COG3: variants seen among roughly 807,000 people sequenced by gnomAD.
COG3 encodes the protein component of oligomeric golgi complex 3, also known as conserved oligomeric Golgi complex subunit 3.
Under a neutral mutation model 114.1 loss-of-function variants are expected in COG3, and 32 were observed. The observed-to-expected ratio is 0.28, with a 90% confidence interval of 0.21 to 0.38. The LOEUF (loss-of-function observed/expected upper bound fraction) is 0.38, where lower values mean the gene tolerates loss of function less well. Among genes scored for constraint, COG3 ranks in the 10% least tolerant of loss-of-function variants. COG3 has a pLI of 1.00. For missense variants in COG3, 813 were observed against 973.2 expected, an observed-to-expected ratio of 0.84 and a Z score of 2.19; for synonymous variants, 352 against 365.7, an observed-to-expected ratio of 0.96 and a Z score of 0.43.
chr13:45,482,779 G>C (rs1421323160), intron 6 of COG3, among the ~76,000 whole-genome samples: 1 of 152,170 alleles, frequency 6.6e-6, no homozygotes, highest in African/African-American at 2.4e-5. Context: ...AGGATGAGCC[G>C]TTTTTAAATT....
intron 4 of COG3, 145 bp downstream of exon 4, chr13:45,480,435 C>G (rs867652473): frequency 2.4e-5 from 14 of 571,476 alleles, no homozygotes; most frequent in Non-Finnish European, 3.9e-5. Flanking sequence ...CAGATTGTTA[C>G]ACTGACAGCC....
intron 21 of COG3, 150 bp from the exon 22 acceptor site, chr13:45,530,532 A>G (rs1296142930): frequency 1.7e-6 from 1 of 577,416 alleles, no homozygotes; most frequent in Non-Finnish European, 3.2e-6. Context: ...CCAGCACTGA[A>G]ATATTAAGAG....
At chr13:45,490,327 C>T (rs766890901) in intron 8 of COG3, among the ~76,000 whole-genome samples, 13 of 152,150 alleles carry the variant, frequency 8.5e-5, no homozygotes, top group Non-Finnish European at 1.9e-4. Context: ...TGTTATTACA[C>T]CAGTTTTATA....
chr13:45,520,710 T>TTC (rs1555299532), intron 19 of COG3, among the ~76,000 whole-genome samples: 1 of 151,994 alleles, frequency 6.6e-6, no homozygotes, highest in African/African-American at 2.4e-5. Context: ...TGCATTTTTT[T>TTC]CCCACCACAA....
rs141222488 is a variant in COG3, at chr13:45,465,155, C to G, written c.119C>G (p.Thr40Arg). 223 of 1,613,578 alleles carry G rather than the reference C, an allele frequency of 1.4e-4. No individual in the cohort carries two copies. The highest frequency in any genetic ancestry group is 1.0e-3 in the Middle Eastern group (6 of 6,030). Reference protein sequence around the residue: ...DTTAPLTDRQTDSVLELKAAA... With the variant: ...DTTAPLTDRQRDSVLELKAAA... ...ACGGCGCCGCTGACCGACAGGCAGA[C>G]GGACTCGGTATTGGAGCTGAAGGCG... is the stretch of plus-strand genomic sequence containing the variant. Residue 40 changes from threonine to arginine, a missense_variant, in exon 1 of 23, where the codon ACG becomes AGG. Thr to Arg is a moderately conservative substitution (Grantham distance 71). Around this residue, in one of 2 missense-constraint regions of COG3, gnomAD observed 424 missense variants for 430.6 expected, o/e 0.98. Transcript: ENST00000349995.
intron 14 of COG3, among the ~76,000 whole-genome samples, chr13:45,507,644 A>C (rs8002141): frequency 0.088 from 13,418 of 151,822 alleles, 1,656 homozygotes; most frequent in African/African-American, 0.27. Flanking sequence ...ACATGCCTGT[A>C]ATCCCAGCTA....
In COG3 at chr13:45,503,332, A is replaced by C. The variant is rs201937537; in HGVS notation, c.1577A>C (p.Asn526Thr). ...SDVHLEEGES[N>T]SLTKSGSTES... Reference sequence around the variant, plus strand: ...GTTCACTTAGAAGAAGGAGAGTCTAACAGTCTGACAAAATCTGGTATGTTA... The same window carrying C: ...GTTCACTTAGAAGAAGGAGAGTCTACCAGTCTGACAAAATCTGGTATGTTA... Residue 526 changes from asparagine to threonine, a missense_variant, in exon 14 of 23, where the codon AAC becomes ACC. Physicochemically the swap from Asn to Thr is moderately conservative, Grantham distance 65. Transcript: ENST00000349995. The C allele has an allele frequency of 4.4e-6, 7 of 1,579,818 alleles. No homozygotes were observed. Among genetic ancestry groups the C allele is most frequent in the African/African-American group, 1.3e-5 (1 of 74,332 alleles).
intron 7 of COG3, among the ~76,000 whole-genome samples, chr13:45,485,223 C>T (rs1886529822): frequency 3.8e-5 from 3 of 78,894 alleles, no homozygotes; most frequent in African/African-American, 1.1e-4. Flanking sequence ...GCTGGCCGGG[C>T]AGGGGGGCTG....
chr13:45,500,061 T>A (rs76357660), intron 13 of COG3, among the ~76,000 whole-genome samples: 1,153 of 54,270 alleles, frequency 0.021, 25 homozygotes, highest in African/African-American at 0.043. Flanking sequence ...TGTGTGTGTG[T>A]GTGTGAGTGT....
chr13:45,522,979 T>C (rs1280072852), intron 19 of COG3, among the ~76,000 whole-genome samples: 2 of 152,308 alleles, frequency 1.3e-5, no homozygotes, highest in Non-Finnish European at 2.9e-5. Context: ...GTTAAGGTTA[T>C]CAGGAGAGAA....
At chr13:45,525,181 G>T in intron 20 of COG3, 130 bp downstream of exon 20, 1 of 610,270 alleles carries the variant, frequency 1.6e-6, no homozygotes, top group Non-Finnish European at 2.7e-6. Flanking sequence ...AGTTAATGCA[G>T]GATTCAATTT....
In COG3 at chr13:45,490,976, A is replaced by G. The variant is rs764358461; in HGVS notation, c.968+18A>G. On this transcript the variant is annotated intron_variant, in intron 9 of 22. Transcript: ENST00000349995. Reference sequence around the variant, plus strand: ...ATACCTGAGTGAGTACCTAGAAGTTAATCTGATTTCCACATGAACCTTTGT... The same window carrying G: ...ATACCTGAGTGAGTACCTAGAAGTTGATCTGATTTCCACATGAACCTTTGT... The G allele has an allele frequency of 9.7e-6, 15 of 1,539,260 alleles. No homozygotes were observed. Among genetic ancestry groups the G allele is most frequent in the Non-Finnish European group, 1.3e-5 (15 of 1,116,214 alleles).
chr13:45,483,119 G>C, intron 6 of COG3, 111 bp from the exon 7 acceptor site: 1 of 681,062 alleles, frequency 1.5e-6, no homozygotes, highest in Non-Finnish European at 2.4e-6. Flanking sequence ...TATGAAACCT[G>C]TTTTTGAACT....
chr13:45,480,030 C>G, intron 3 of COG3, 95 bp from the exon 4 acceptor site: 1 of 1,090,940 alleles, frequency 9.2e-7, no homozygotes, highest in Non-Finnish European at 1.3e-6. Flanking sequence ...TCCTGAAATT[C>G]GAACATTTTG....
At chr13:45,514,047 C>G (rs1267203645) in intron 16 of COG3, among the ~76,000 whole-genome samples, 2 of 151,238 alleles carry the variant, frequency 1.3e-5, no homozygotes, top group Non-Finnish European at 2.9e-5. Context: ...CTATACATCT[C>G]TTTATTTTCT....
chr13:45,469,100 G>A (rs1411683226), intron 1 of COG3, among the ~76,000 whole-genome samples: 1 of 152,184 alleles, frequency 6.6e-6, no homozygotes, highest in East Asian at 1.9e-4. Context: ...AGATGGTTTT[G>A]TATTAGAACA....
chr13:45,499,983 A>G (rs1462957831), intron 13 of COG3, among the ~76,000 whole-genome samples: 1 of 150,824 alleles, frequency 6.6e-6, no homozygotes, highest in Non-Finnish European at 1.5e-5. Flanking sequence ...GTGCCACTGT[A>G]CTCCAGCCTG....
chr13:45,490,213 T>C (rs1886935501), intron 8 of COG3, among the ~76,000 whole-genome samples: 1 of 152,204 alleles, frequency 6.6e-6, no homozygotes, highest in Non-Finnish European at 1.5e-5. Context: ...AGGAATGTAA[T>C]TGGATTATTT....
At chr13:45,483,753 T>G (rs1388252382) in intron 7 of COG3, among the ~76,000 whole-genome samples, 1 of 152,186 alleles carries the variant, frequency 6.6e-6, no homozygotes, top group Non-Finnish European at 1.5e-5. Flanking sequence ...ATATGCAAAA[T>G]TATGCATCTC....
Sources: allele counts gnomAD v4.1 joint callset (sites outside exome capture counted in the v4.1 genomes callset), GRCh38; gene constraint gnomAD v4.1.1; regional missense constraint gnomAD v4.1.1; transcripts MANE v1.5; gene names NCBI Gene and HGNC (gene_info 2026-07-23, HGNC 2026-07-21).